The following NOL3 variants were observed in gnomAD, a reference collection of about 807,000 sequenced individuals.
NOL3 encodes the protein muscle-enriched cytoplasmic protein.
Under a neutral mutation model 19.2 loss-of-function variants are expected in NOL3, and 18 were observed. That is an observed-to-expected ratio of 0.94 (90% CI 0.65 to 1.39). NOL3 has a LOEUF of 1.39. NOL3 is among the 40% of genes most tolerant of loss of function. The pLI is 0.00. For missense variants in NOL3, 290 were observed against 289.5 expected (o/e 1.00, Z -0.01); for synonymous variants, 127 against 137.3 (o/e 0.93, Z 0.52).
rs201587168 is a variant in NOL3 at position 67,174,911 on chromosome 16, G to A, written c.586G>A (p.Glu196Lys). Residue 196 changes from glutamate (E) to lysine (K), a missense_variant, in exon 3 of 4, where the codon GAG (glutamate) becomes AAG (lysine). Glu to Lys is a moderately conservative substitution (Grantham distance 56). This residue lies in a region of NOL3 where 123 missense variants were observed against 107.0 expected (regional missense o/e 1.15). Coordinates refer to ENST00000268605, the Ensembl canonical transcript of NOL3. ...GGAGCCAGAACCGGACCCAGAGCCC[G>A]AGCCCGACTTCGAGGAAAGGGACGA... The A allele has an allele frequency of 5.0e-6, 8 of 1,613,334 alleles. No individual in the cohort carries two copies. In the East Asian group the frequency reaches 1.1e-4, roughly 22 times the overall value.
chr16:67,171,859 T>C (rs2145940451), intron 1 of NOL3: 2 of 152,338 alleles, frequency 1.3e-5, no homozygotes, highest in South Asian at 4.1e-4. Context: ...CAGGAGCTGA[T>C]GGAGACTCAC....
chr16:67,173,781 G>C, intron 1 of NOL3: 1 of 1,253,404 alleles, frequency 8.0e-7, no homozygotes, highest in East Asian at 2.5e-5. Context: ...AAAGACCTTA[G>C]TTTGGATAAA....
rs916969516 is a variant in NOL3 at position 67,174,423 on chromosome 16, G to A, written c.254G>A (p.Gly85Asp). The A allele has an allele frequency of 9.8e-6, 15 of 1,525,540 alleles. No homozygotes were observed. The African/African-American group carries it at 1.9e-4, about 19-fold the overall frequency. The allele number at this position is 1,525,540 out of a possible 1,614,324, so 94.5% of individuals were successfully genotyped here. Residue 85 changes from glycine (G) to aspartate (D), a missense_variant, in exon 2 of 4, where the codon GGC (glycine) becomes GAC (aspartate). Physicochemically the swap from Gly to Asp is moderately conservative, Grantham distance 94. Transcript: ENST00000268605. ...CTACGCTGTGCCCAGCGTACCGCGG[G>A]CGCGCCGGACCCCGCTTGGGACTGG...
At chr16:67,172,017 C>G (rs2031793342) in intron 1 of NOL3, 1 of 152,126 alleles carries the variant, frequency 6.6e-6, no homozygotes, top group Non-Finnish European at 1.5e-5. Flanking sequence ...AGTGTGACAC[C>G]AGAGGGTACT....
chr16:67,173,679 A>C (rs1245052591), intron 1 of NOL3: 20 of 597,466 alleles, frequency 3.3e-5, no homozygotes, highest in Non-Finnish European at 5.9e-5. Context: ...CAGCAGTCAG[A>C]CTGGAAAGGA....
At chr16:67,174,582 G>T (rs780877364) in intron 2 of NOL3, 39 bp from the exon 3 acceptor site, 1 of 1,516,246 alleles carries the variant, frequency 6.6e-7, no homozygotes. Flanking sequence ...AACCGCACAG[G>T]GGTAAATTGA....
chr16:67,174,164 C>G (rs543511083), exon 2 of NOL3: 1 of 1,607,562 alleles, frequency 6.2e-7, no homozygotes, highest in African/African-American at 1.3e-5. Context: ...CCATGCAGCC[C>G]CGACAATGGG....
intron 1 of NOL3, among the ~76,000 whole-genome samples, chr16:67,173,402 AAGGGCCAGG>A (rs1430663589): frequency 6.6e-6 from 1 of 152,174 alleles, no homozygotes; most frequent in Non-Finnish European, 1.5e-5. Flanking sequence ...GGGGACCAGG[AAGGGCCAGG>A]AGACTACATT....
At chr16:67,175,182 G>C (rs753343054) in exon 4 of NOL3, 1 of 1,566,736 alleles carries the variant, frequency 6.4e-7, no homozygotes, top group African/African-American at 1.4e-5. Flanking sequence ...AACTCCGGAG[G>C]GTCGGACGGG....
chr16:67,175,045 A>G lies in NOL3; in HGVS notation c.620-2A>G, dbSNP rs1266537779. 2 of 1,614,078 alleles carry G rather than the reference A, an allele frequency of 1.2e-6. No homozygotes were observed. The highest frequency in any genetic ancestry group is 2.7e-5 in the African/African-American group (2 of 74,952). On this transcript the variant is annotated splice_acceptor_variant, in intron 3 of 3. Transcript: ENST00000268605. LOFTEE classifies it high-confidence loss of function. ...TTTGACCACTGTTCCCGTCATCTCT[A>G]GATTCCTGAAGGCCAGAGCTCTGAC...
chr16:67,170,827 T>G lies in NOL3; in HGVS notation c.-9+253T>G, dbSNP rs536051863. Among the ~76,000 whole-genome samples the G allele has an allele frequency of 6.6e-6, 1 of 152,222 alleles. No homozygotes were observed. The highest frequency in any genetic ancestry group is 6.5e-5 in the Admixed American group (1 of 15,304). On this transcript the variant is annotated intron_variant, in intron 1 of 3. Coordinates refer to ENST00000268605, the Ensembl canonical transcript of NOL3. The surrounding 1 kb of genome is among the most constrained non-coding windows in gnomAD (Gnocchi z 5.7). ...GCACATGCGCAAAGGCTCTTCACTG[T>G]CCCAAGACCCTGGCTTCCTGGCCAA...
At chr16:67,173,628 G>A in intron 1 of NOL3, 1 of 554,322 alleles carries the variant, frequency 1.8e-6, no homozygotes, top group Non-Finnish European at 3.2e-6. Flanking sequence ...GGAGGCAGAA[G>A]GCTGGACTTA....
exon 4 of NOL3, chr16:67,175,169 A>G (rs767317745): frequency 4.4e-6 from 7 of 1,584,896 alleles, no homozygotes; most frequent in Non-Finnish European, 5.2e-6. Flanking sequence ...CTGGAAGTGA[A>G]TAAACTCCGG....
At chr16:67,174,376 C>G (rs781539278) in exon 2 of NOL3, 1 of 1,567,058 alleles carries the variant, frequency 6.4e-7, no homozygotes, top group Non-Finnish European at 8.6e-7. Flanking sequence ...AGGGCAAGGG[C>G]GAGGCCGCCT....
chr16:67,174,464 G>T, exon 2 of NOL3: 1 of 1,486,542 alleles, frequency 6.7e-7, no homozygotes, highest in African/African-American at 1.4e-5. Context: ...CGTGGGTCCG[G>T]GTGAGCGCGC....
At chr16:67,171,556 G>C (rs1258197463) in intron 1 of NOL3, 1 of 152,254 alleles carries the variant, frequency 6.6e-6, no homozygotes, top group Non-Finnish European at 1.5e-5. Flanking sequence ...AGATATTTTG[G>C]GTTGTCTCTG....
intron 1 of NOL3, chr16:67,171,298 G>A (rs1046770120): frequency 6.6e-6 from 1 of 152,370 alleles, no homozygotes; most frequent in Non-Finnish European, 1.5e-5. Flanking sequence ...ACGGTACACA[G>A]AAGAAGGAAC....
In NOL3 at chr16:67,174,963, C is replaced by A; in HGVS notation, c.619+19C>A. ...TCCGAAGGTGTGAGTCCGCCCAAAC[C>A]CTGAGCCGGCTTGGCGGGAGGGCAT... On this transcript the variant is annotated intron_variant, in intron 3 of 3. Transcript: ENST00000268605. 6.2e-7 allele frequency: 1 copy of A among 1,609,564 alleles called. No homozygotes were observed. The highest frequency in any genetic ancestry group is 2.2e-5 in the East Asian group (1 of 44,798).
At chr16:67,173,818 C>T in intron 1 of NOL3, 1 of 1,494,590 alleles carries the variant, frequency 6.7e-7, no homozygotes, top group South Asian at 1.2e-5. Context: ...CTCGGATTTG[C>T]CGGGGGTGGA....
Sources: allele counts gnomAD v4.1 joint callset (sites outside exome capture counted in the v4.1 genomes callset), GRCh38; gene constraint gnomAD v4.1.1; regional missense constraint gnomAD v4.1.1; non-coding constraint Gnocchi (gnomAD v3.1); transcripts MANE v1.5; gene names NCBI Gene and HGNC (gene_info 2026-07-23, HGNC 2026-07-21).